The following HNRNPLL variants were observed in gnomAD, a reference collection of about 807,000 sequenced individuals.
HNRNPLL encodes the protein heterogeneous nuclear ribonucleoprotein L-like.
A neutral mutation model predicts 67.1 loss-of-function variants in HNRNPLL; 25 were observed. The ratio of observed to expected loss-of-function variants is 0.37; its 90% CI spans 0.27 to 0.52. The LOEUF (loss-of-function observed/expected upper bound fraction) is 0.52, where lower values mean the gene tolerates loss of function less well. Among genes scored for constraint, HNRNPLL ranks in the 20% least tolerant of loss-of-function variants. The probability of loss-of-function intolerance (pLI) is 0.90; values close to 1 mark genes in which losing one functional copy is unlikely to be tolerated. For missense variants in HNRNPLL, 542 were observed against 673.9 expected (o/e 0.80, Z 2.17); for synonymous variants, 267 against 241.7 (o/e 1.10, Z -0.97).
At chr2:38,600,196 A>C (rs1667369529) in intron 1 of HNRNPLL, among the ~76,000 whole-genome samples, 1 of 152,228 alleles carries the variant, frequency 6.6e-6, no homozygotes, top group Non-Finnish European at 1.5e-5. Context: ...TTACTGTTAA[A>C]TGAAAACAAT....
intron 2 of HNRNPLL, among the ~76,000 whole-genome samples, chr2:38,590,876 G>T (rs948981482): frequency 6.6e-6 from 1 of 152,048 alleles, no homozygotes; most frequent in African/African-American, 2.4e-5. Flanking sequence ...ATAGTGACAT[G>T]CGTCTATAGT....
chr2:38,570,735 A>G (rs531313685), intron 8 of HNRNPLL, among the ~76,000 whole-genome samples: 19 of 152,266 alleles, frequency 1.2e-4, no homozygotes, highest in East Asian at 3.9e-4. Flanking sequence ...AAGAACCCCA[A>G]TGGATGCCTG....
At chr2:38,594,157 A>C (rs1429504529) in intron 1 of HNRNPLL, among the ~76,000 whole-genome samples, 1 of 152,154 alleles carries the variant, frequency 6.6e-6, no homozygotes, top group Non-Finnish European at 1.5e-5. Flanking sequence ...CCTGGGCGAC[A>C]GAACAAGACT....
intron 8 of HNRNPLL, among the ~76,000 whole-genome samples, chr2:38,572,368 C>G (rs774582070): frequency 2.6e-5 from 4 of 152,056 alleles, no homozygotes; most frequent in Non-Finnish European, 5.9e-5. Flanking sequence ...TGTTCCCCTC[C>G]CACGCATAGT....
Position 38,581,841 on chromosome 2 carries a change from A to G in HNRNPLL, c.802+72T>C, listed in dbSNP as rs745358729. The G allele has an allele frequency of 1.7e-4, 170 of 982,694 alleles. 5 individuals carry two copies. In the South Asian group the frequency reaches 2.2e-3, roughly 13 times the overall value. 60.9% of individuals were successfully genotyped at this position (982,694 alleles called of 1,614,324 possible). On this transcript the variant is annotated intron_variant, in intron 6 of 12. Transcript: ENST00000449105. ...TTTGAATTAACTAGCTCATCTCAGG[A>G]AAAAAGAATCTAACTGCATATAAAA... is the stretch of plus-strand genomic sequence containing the variant.
chr2:38,578,105 G>A, intron 6 of HNRNPLL: 1 of 442,968 alleles, frequency 2.3e-6, no homozygotes, highest in East Asian at 7.1e-5. Context: ...TCACATCACT[G>A]ACTCATATTA....
chr2:38,562,681 T>C lies in HNRNPLL; in HGVS notation c.*1501A>G, dbSNP rs1192122399. On this transcript the variant is annotated 3_prime_UTR_variant, in exon 13 of 13. Transcript: ENST00000449105. Reference sequence around the variant, plus strand: ...CACAGTTACCCTTGGCATAACTTACTGGGTTCTGTGATAAGGGTCTAAAAT... The same window carrying C: ...CACAGTTACCCTTGGCATAACTTACCGGGTTCTGTGATAAGGGTCTAAAAT... 6.6e-6 allele frequency: 1 copy of C among 152,106 alleles called. No individual in the cohort carries two copies. Among genetic ancestry groups the C allele is most frequent in the Non-Finnish European group, 1.5e-5 (1 of 67,960 alleles). 9.4% of individuals were successfully genotyped at this position (152,106 alleles called of 1,614,324 possible). A position where few individuals can be genotyped will look rare whatever the true frequency, so the allele number is the denominator to read the frequency against.
intron 12 of HNRNPLL, among the ~76,000 whole-genome samples, chr2:38,564,747 C>T (rs1665791048): frequency 6.8e-6 from 1 of 146,676 alleles, no homozygotes. Flanking sequence ...GTTCTCAACA[C>T]TGTCTGGCAC....
chr2:38,566,882 A>C (rs1462116319), intron 12 of HNRNPLL, among the ~76,000 whole-genome samples: 1 of 151,858 alleles, frequency 6.6e-6, no homozygotes, highest in Non-Finnish European at 1.5e-5. Flanking sequence ...AACTATAAGG[A>C]TGTTTATTAC....
chr2:38,596,834 G>C (rs1667212754), intron 1 of HNRNPLL, among the ~76,000 whole-genome samples: 1 of 151,974 alleles, frequency 6.6e-6, no homozygotes, highest in African/African-American at 2.4e-5. Flanking sequence ...TGCGTACCCA[G>C]AAAAAGAAGG....
At chr2:38,586,115 G>A (rs530563976) in intron 2 of HNRNPLL, among the ~76,000 whole-genome samples, 2 of 151,634 alleles carry the variant, frequency 1.3e-5, no homozygotes, top group African/African-American at 2.4e-5. Flanking sequence ...TCCGCCTCCC[G>A]GGTTCACGCC....
intron 1 of HNRNPLL, among the ~76,000 whole-genome samples, chr2:38,597,977 G>A (rs561757480): frequency 7.3e-5 from 11 of 151,720 alleles, no homozygotes; most frequent in East Asian, 1.9e-4. Flanking sequence ...GTGAGCCACC[G>A]TGCCCGGCCA....
chr2:38,578,372 TTTAAAAATCA>T (rs887172125), intron 6 of HNRNPLL, among the ~76,000 whole-genome samples: 32 of 152,096 alleles, frequency 2.1e-4, no homozygotes, highest in Admixed American at 6.6e-4. Flanking sequence ...GTTAGTAAAT[TTTAAAAATCA>T]TTATACAATA....
chr2:38,596,100 T>C (rs946856086), intron 1 of HNRNPLL, among the ~76,000 whole-genome samples: 1 of 151,970 alleles, frequency 6.6e-6, no homozygotes, highest in Non-Finnish European at 1.5e-5. Context: ...TGTTTCCAAA[T>C]ATAAAACCAA....
At chr2:38,596,437 TAATA>T (rs1667196254) in intron 1 of HNRNPLL, among the ~76,000 whole-genome samples, 1 of 152,162 alleles carries the variant, frequency 6.6e-6, no homozygotes, top group Admixed American at 6.5e-5. Context: ...TTTTGTGGTT[TAATA>T]GAGACAGGGT....
At chr2:38,580,248 G>A (rs1249469735) in intron 6 of HNRNPLL, among the ~76,000 whole-genome samples, 1 of 152,162 alleles carries the variant, frequency 6.6e-6, no homozygotes, top group Admixed American at 6.5e-5. Context: ...TTGTTTCAGT[G>A]CTAAGGATGT....
intron 12 of HNRNPLL, among the ~76,000 whole-genome samples, chr2:38,567,509 C>T (rs2148335430): frequency 6.6e-6 from 1 of 152,220 alleles, no homozygotes; most frequent in East Asian, 1.9e-4. Flanking sequence ...TTTAACTTTT[C>T]ATTTTGTACC....
intron 2 of HNRNPLL, among the ~76,000 whole-genome samples, chr2:38,587,023 C>A (rs189090279): frequency 6.6e-6 from 1 of 152,166 alleles, no homozygotes; most frequent in Non-Finnish European, 1.5e-5. Context: ...CCTCTATTCA[C>A]AGGAACAAGA....
chr2:38,587,394 T>C (rs1426322204), intron 2 of HNRNPLL, among the ~76,000 whole-genome samples: 1 of 152,220 alleles, frequency 6.6e-6, no homozygotes, highest in Non-Finnish European at 1.5e-5. Flanking sequence ...CTCATTCATC[T>C]TTCTGTCCTC....
Sources: allele counts gnomAD v4.1 joint callset (sites outside exome capture counted in the v4.1 genomes callset), GRCh38; gene constraint gnomAD v4.1.1; transcripts MANE v1.5; gene names NCBI Gene and HGNC (gene_info 2026-07-23, HGNC 2026-07-21).